Variants in GBE1 observed in about 807,000 individuals in gnomAD.
The protein encoded by GBE1 is 1,4-alpha-glucan-branching enzyme.
A neutral mutation model predicts 88.8 loss-of-function variants in GBE1; 70 were observed. The observed-to-expected ratio is 0.79, with a 90% CI of 0.65 to 0.96. GBE1 has a LOEUF of 0.96. Ranked by LOEUF, GBE1 falls within the 40% of genes least tolerant of loss-of-function variation. GBE1 has a pLI of 0.00. For missense variants in GBE1, 872 were observed against 871.0 expected (o/e 1.00, Z -0.01); for synonymous variants, 284 against 300.1 (o/e 0.95, Z 0.56).
chr3:81,517,350 TA>T (rs1274246765), intron 14 of GBE1, among the ~76,000 whole-genome samples: 14 of 151,504 alleles, frequency 9.2e-5, no homozygotes, highest in South Asian at 4.1e-4. Context: ...TTTTTAGACA[TA>T]AGGCTATTGC....
chr3:81,572,713 C>T (rs1035962794), intron 12 of GBE1, among the ~76,000 whole-genome samples: 1 of 152,074 alleles, frequency 6.6e-6, no homozygotes, highest in Non-Finnish European at 1.5e-5. Flanking sequence ...GGTTTCTTCT[C>T]TTGTTTTTTA....
chr3:81,598,713 G>A (rs553179118), intron 7 of GBE1, among the ~76,000 whole-genome samples: 5 of 151,598 alleles, frequency 3.3e-5, no homozygotes, highest in Non-Finnish European at 7.4e-5. Context: ...TTTTAGACAC[G>A]AGAATTATAT....
chr3:81,634,128 C>T (rs1185723337), intron 7 of GBE1, among the ~76,000 whole-genome samples: 1 of 152,188 alleles, frequency 6.6e-6, no homozygotes, highest in Non-Finnish European at 1.5e-5. Flanking sequence ...ACCTGGCCTG[C>T]TTCTCTCAGT....
At chr3:81,523,600 C>T (rs1452207347) in intron 14 of GBE1, among the ~76,000 whole-genome samples, 1 of 151,628 alleles carries the variant, frequency 6.6e-6, no homozygotes, top group Non-Finnish European at 1.5e-5. Flanking sequence ...TTCTATCAAA[C>T]TATGCTTTTG....
At chr3:81,509,737 A>G (rs1360413560) in intron 14 of GBE1, 1 of 151,922 alleles carries the variant, frequency 6.6e-6, no homozygotes. Flanking sequence ...TTGGTCATCA[A>G]AGACCAAACT....
intron 1 of GBE1, among the ~76,000 whole-genome samples, chr3:81,748,632 C>CA (rs1706452428): frequency 6.6e-6 from 1 of 151,392 alleles, no homozygotes; most frequent in Non-Finnish European, 1.5e-5. Flanking sequence ...ACAACAACAA[C>CA]AAAAATTAAT....
rs1705672288 is a variant in GBE1, at chr3:81,700,563, A to G, written c.313+4881T>C. Among the ~76,000 whole-genome samples the G allele has an allele frequency of 2.0e-5, 3 of 152,200 alleles. No individual in the cohort carries two copies. The South Asian group carries it at 6.2e-4, about 31-fold the overall frequency. The stretch of plus-strand genomic sequence containing the variant: ...ATGCTTATTCCCAATTTCTGACAAT[A>G]TCACTGAAAACAGATTACAGTTCAC... On this transcript the variant is annotated intron_variant, in intron 2 of 15. Coordinates refer to ENST00000429644, the MANE Select transcript of GBE1 (RefSeq NM_000158.4).
At chr3:81,650,799 G>A (rs375533150) in intron 3 of GBE1, among the ~76,000 whole-genome samples, 8 of 152,182 alleles carry the variant, frequency 5.3e-5, no homozygotes, top group African/African-American at 1.9e-4. Context: ...CGAGGAGCTG[G>A]GACTACAGGC....
At chr3:81,546,958 C>T (rs574445862) in intron 12 of GBE1, among the ~76,000 whole-genome samples, 1 of 151,256 alleles carries the variant, frequency 6.6e-6, no homozygotes, top group East Asian at 1.9e-4. Flanking sequence ...ATGGAAGGAA[C>T]AATACTAAGG....
intron 8 of GBE1, among the ~76,000 whole-genome samples, chr3:81,593,189 C>T (rs924670639): frequency 9.9e-5 from 15 of 151,844 alleles, no homozygotes; most frequent in African/African-American, 3.6e-4. Context: ...AGGGTGAAAC[C>T]CCGTCTCTAT....
At chr3:81,664,039 C>G (rs1705073697) in intron 3 of GBE1, among the ~76,000 whole-genome samples, 1 of 151,904 alleles carries the variant, frequency 6.6e-6, no homozygotes, top group Admixed American at 6.6e-5. Flanking sequence ...TTTCTCCGTG[C>G]ATTTGGTTTC....
chr3:81,644,071 C>T (rs192330978), intron 6 of GBE1, among the ~76,000 whole-genome samples: 18 of 152,060 alleles, frequency 1.2e-4, no homozygotes, highest in African/African-American at 3.6e-4. Context: ...CAGCCATTCA[C>T]TCATTCCTTC....
chr3:81,761,037 C>A lies in GBE1; in HGVS notation c.143+338G>T, dbSNP rs561538809. Reference sequence around the variant, plus strand: ...GTGGGTGCCAAAGTCAGAAAACCTGCAGCGGCGGTGAGTCACTCCCCAGCA... The same window carrying A: ...GTGGGTGCCAAAGTCAGAAAACCTGAAGCGGCGGTGAGTCACTCCCCAGCA... On this transcript the variant is annotated intron_variant, in intron 1 of 15. Coordinates refer to ENST00000429644, the MANE Select transcript of GBE1 (RefSeq NM_000158.4). Among the ~76,000 whole-genome samples the A allele has an allele frequency of 2.5e-4, 38 of 152,376 alleles. No homozygotes were observed. In the South Asian group the frequency reaches 6.2e-3, roughly 25 times the overall value.
intron 2 of GBE1, among the ~76,000 whole-genome samples, chr3:81,699,669 A>T (rs1286022460): frequency 6.6e-6 from 1 of 152,140 alleles, no homozygotes; most frequent in African/African-American, 2.4e-5. Context: ...CTAGGCCCTT[A>T]TCTTTTTCAA....
At chr3:81,591,608 A>AAC (rs1329897691) in intron 8 of GBE1, among the ~76,000 whole-genome samples, 1 of 152,160 alleles carries the variant, frequency 6.6e-6, no homozygotes, top group African/African-American at 2.4e-5. Context: ...TATTATTTCA[A>AAC]ACACACACTT....
chr3:81,626,784 A>G (rs1280025546), intron 7 of GBE1, among the ~76,000 whole-genome samples: 1 of 152,050 alleles, frequency 6.6e-6, no homozygotes, highest in Non-Finnish European at 1.5e-5. Context: ...GAAGTGTTTC[A>G]AGGTCTAATA....
intron 12 of GBE1, among the ~76,000 whole-genome samples, chr3:81,550,799 G>T (rs912757213): frequency 3.3e-5 from 5 of 152,128 alleles, no homozygotes; most frequent in African/African-American, 1.2e-4. Flanking sequence ...AAAAGAGGAG[G>T]TATGAATAAT....
At chr3:81,646,350 T>C (rs1455314936) in intron 6 of GBE1, 42 bp downstream of exon 6, 5 of 1,209,784 alleles carry the variant, frequency 4.1e-6, no homozygotes, top group Non-Finnish European at 6.0e-6. Context: ...TTTAAATTAT[T>C]GGCTCAAAAT....
Position 81,503,526 on chromosome 3 carries a change from A to T in GBE1, c.1935-4299T>A, listed in dbSNP as rs560031087. 2.0e-5 allele frequency among the ~76,000 whole-genome samples: 3 copies of T among 152,304 alleles called. No homozygotes were observed. The South Asian group carries it at 6.2e-4, about 32-fold the overall frequency. On this transcript the variant is annotated intron_variant, in intron 14 of 15. Coordinates refer to ENST00000429644, the MANE Select transcript of GBE1 (RefSeq NM_000158.4). ...TCAGGAGTCTAACAACAGTCCAAGG[A>T]TAGTTAAGTATGGCTAATCTCTGAC...
Sources: allele counts gnomAD v4.1 joint callset (sites outside exome capture counted in the v4.1 genomes callset), GRCh38; gene constraint gnomAD v4.1.1; transcripts MANE v1.5; gene names NCBI Gene and HGNC (gene_info 2026-07-23, HGNC 2026-07-21).